The following RGS12 variants were observed in gnomAD, a reference collection of about 807,000 sequenced individuals.
The protein encoded by RGS12 is regulator of G-protein signaling 12.
RGS12 carries 66 observed loss-of-function variants against 120.1 expected under a neutral mutation model. The observed-to-expected ratio is 0.55, with a 90% confidence interval of 0.45 to 0.67. The LOEUF is 0.67. RGS12 is among the 30% of genes least tolerant of loss of function. The probability of loss-of-function intolerance (pLI) is 0.00; values close to 1 mark genes in which losing one functional copy is unlikely to be tolerated. For missense variants in RGS12, 1,859 were observed against 1,957.7 expected (o/e 0.95, Z 0.95); for synonymous variants, 827 against 804.7 (o/e 1.03, Z -0.47).
Position 3,374,468 on chromosome 4 carries a change from C to T in RGS12, c.1999-11948C>T, listed in dbSNP as rs1717414975. 6.6e-6 allele frequency among the ~76,000 whole-genome samples: 1 copy of T among 152,098 alleles called. No individual in the cohort carries two copies. ...TGCAGCAGACACTTCTGCCCTGGGC[C>T]CCGGTCTCAGTGACAGGTCCACATC... On this transcript the variant is annotated intron_variant, in intron 3 of 17. Coordinates refer to ENST00000336727, the MANE Select transcript of RGS12 (RefSeq NM_001394154.1). This position sits in a 1 kb window ranked among gnomAD's most constrained non-coding sequence, Gnocchi z 6.3.
At chr4:3,310,589 G>C (rs1037272599) in intron 1 of RGS12, among the ~76,000 whole-genome samples, 8 of 152,200 alleles carry the variant, frequency 5.3e-5, no homozygotes, top group African/African-American at 1.9e-4. Context: ...GGGCCTCTCA[G>C]GTGAATGATG....
In RGS12 at chr4:3,416,920, A is replaced by G. The variant is rs200342441; in HGVS notation, c.2435A>G (p.Asn812Ser). The stretch of plus-strand genomic sequence containing the variant: ...CTTACATCTTCTCCCCAGATCTTCA[A>G]TCTCATGAAGTTTGATAGCTACACT... ...MFKEQQLQIF[N>S]LMKFDSYTRF... Residue 812 changes from asparagine (N) to serine (S), a missense_variant, in exon 8 of 18, where the codon AAT becomes AGT. Asn to Ser is a conservative substitution (Grantham distance 46, BLOSUM62 1). This residue lies in a region of RGS12 where 375 missense variants were observed against 475.0 expected (regional missense o/e 0.79). Coordinates refer to ENST00000336727, the MANE Select transcript of RGS12 (RefSeq NM_001394154.1). 28 of 1,598,296 alleles carry G rather than the reference A, an allele frequency of 1.8e-5. No individual in the cohort carries two copies. The highest frequency in any genetic ancestry group is 3.4e-5 in the Admixed American group (2 of 59,664).
At chr4:3,432,689 C>T (rs1031217117) in intron 17 of RGS12, among the ~76,000 whole-genome samples, 1 of 152,246 alleles carries the variant, frequency 6.6e-6, no homozygotes, top group South Asian at 2.1e-4. Flanking sequence ...TTGGGAGGAG[C>T]AGGTCCCCCT....
intron 4 of RGS12, among the ~76,000 whole-genome samples, chr4:3,396,849 GT>G (rs1251030000): frequency 6.6e-6 from 1 of 151,552 alleles, no homozygotes; most frequent in Non-Finnish European, 1.5e-5. Context: ...TGGAATCTGT[GT>G]TGATGCTTTT....
chr4:3,375,258 C>T (rs1376367599), intron 3 of RGS12, among the ~76,000 whole-genome samples: 2 of 150,570 alleles, frequency 1.3e-5, no homozygotes, highest in South Asian at 2.1e-4. Context: ...GCCCTCATCT[C>T]CAGCCCTCAT....
At chr4:3,376,247 AACACACACACACACACACACACACACAC>A (rs55666879) in intron 3 of RGS12, among the ~76,000 whole-genome samples, 5 of 143,492 alleles carry the variant, frequency 3.5e-5, no homozygotes, top group East Asian at 4.1e-4. Context: ...AGCTCCTTGG[AACACACACACACACACACACACACACAC>A]ACACACACAC....
intron 2 of RGS12, among the ~76,000 whole-genome samples, chr4:3,330,159 T>A (rs1711672878): frequency 6.6e-6 from 1 of 152,196 alleles, no homozygotes; most frequent in South Asian, 2.1e-4. Context: ...ATGAAGTATC[T>A]CCATTTTGTA....
chr4:3,355,794 C>CAAAA (rs372490658), intron 3 of RGS12, among the ~76,000 whole-genome samples: 3 of 58,040 alleles, frequency 5.2e-5, no homozygotes, highest in African/African-American at 6.2e-5. Context: ...GACCTTGTCT[C>CAAAA]AAAAAAAAAA....
intron 9 of RGS12, chr4:3,419,645 TCATCTCTAC>T (rs1210642938): frequency 1.3e-5 from 2 of 151,788 alleles, no homozygotes; most frequent in Non-Finnish European, 2.9e-5. Context: ...AGCAAGACAC[TCATCTCTAC>T]AAAAAAAAAT....
intron 1 of RGS12, among the ~76,000 whole-genome samples, chr4:3,296,215 A>C (rs1264973768): frequency 6.6e-6 from 1 of 152,150 alleles, no homozygotes; most frequent in Non-Finnish European, 1.5e-5. Flanking sequence ...ACAGGGTCTC[A>C]CTTTGTTGCC....
intron 3 of RGS12, among the ~76,000 whole-genome samples, chr4:3,348,652 A>G (rs943054648): frequency 3.3e-5 from 5 of 152,202 alleles, no homozygotes; most frequent in Admixed American, 1.3e-4. Context: ...CACATCCAGA[A>G]AAGCCGAATG....
chr4:3,338,895 G>A (rs946583935), intron 2 of RGS12, among the ~76,000 whole-genome samples: 10 of 152,068 alleles, frequency 6.6e-5, no homozygotes, highest in East Asian at 1.9e-4. Context: ...CTAAATCGGC[G>A]GTGATGATCT....
In RGS12 at chr4:3,392,728, C is replaced by T. The variant is rs1367996204; in HGVS notation, c.2020+6291C>T. Among the ~76,000 whole-genome samples the T allele has an allele frequency of 3.3e-5, 5 of 152,212 alleles. No individual in the cohort carries two copies. The East Asian group carries it at 9.6e-4, about 29-fold the overall frequency. The stretch of plus-strand genomic sequence containing the variant: ...TGTTGGCTGGGTGCAGTGGTTCATG[C>T]CTGTAATCCCAGCACTTTGGGAGGC... On this transcript the variant is annotated intron_variant, in intron 4 of 17. Coordinates refer to ENST00000336727, the MANE Select transcript of RGS12 (RefSeq NM_001394154.1).
intron 17 of RGS12, chr4:3,431,922 C>G: frequency 1.0e-6 from 1 of 985,480 alleles, no homozygotes; most frequent in Non-Finnish European, 1.2e-6. Context: ...AGGGAGTGCA[C>G]GTCTGTAGAT....
intron 1 of RGS12, among the ~76,000 whole-genome samples, chr4:3,313,756 C>T (rs765154056): frequency 1.8e-4 from 28 of 152,180 alleles, no homozygotes; most frequent in East Asian, 3.9e-4. Flanking sequence ...CCGCATCCTT[C>T]CTCATGTGGC....
In RGS12 at chr4:3,366,686, C is replaced by T. The variant is rs1030431123; in HGVS notation, c.1999-19730C>T. 1.3e-5 allele frequency among the ~76,000 whole-genome samples: 2 copies of T among 152,176 alleles called. No homozygotes were observed. The highest frequency in any genetic ancestry group is 4.8e-5 in the African/African-American group (2 of 41,436). On this transcript the variant is annotated intron_variant, in intron 3 of 17. Coordinates refer to ENST00000336727, the MANE Select transcript of RGS12 (RefSeq NM_001394154.1). This position sits in a 1 kb window ranked among gnomAD's most constrained non-coding sequence, Gnocchi z 4.0. ...GGTCGAGCTGTGCGCCAGGCATGGCCGGAAAGCTCAGGAGGCCCTGGTTAG... is the reference window on the plus strand; with the variant it reads ...GGTCGAGCTGTGCGCCAGGCATGGCTGGAAAGCTCAGGAGGCCCTGGTTAG...
the RGS12 span, among the ~76,000 whole-genome samples, chr4:3,286,893 G>A: frequency 6.6e-6 from 1 of 152,216 alleles, no homozygotes; most frequent in South Asian, 2.1e-4. Context: ...GGGAGCCGAC[G>A]CTGCTCCGGC....
chr4:3,406,488 C>A (rs1721141329), intron 4 of RGS12, among the ~76,000 whole-genome samples: 1 of 152,236 alleles, frequency 6.6e-6, no homozygotes, highest in Non-Finnish European at 1.5e-5. Context: ...CAAACAGCGC[C>A]TTCAGCCAAA....
intron 3 of RGS12, among the ~76,000 whole-genome samples, chr4:3,362,476 GTGTGTA>G (rs977139471): frequency 4.4e-5 from 6 of 137,650 alleles, no homozygotes; most frequent in East Asian, 2.2e-4. Context: ...GTGTGAGGGT[GTGTGTA>G]TGTGAGGGTG....
Sources: gnomAD v4.1 joint callset for allele counts (sites outside exome capture counted in the v4.1 genomes callset) on GRCh38, gnomAD v4.1.1 for gene constraint, gnomAD v4.1.1 regional missense constraint, Gnocchi (gnomAD v3.1) non-coding constraint, MANE v1.5 for transcripts, NCBI Gene and HGNC (gene_info 2026-07-23, HGNC 2026-07-21) for gene names.